Variants in SYN3 observed in about 807,000 individuals in gnomAD.
SYN3 encodes synapsin III.
In SYN3, 35 loss-of-function variants were observed where a neutral mutation model predicts 65.8. That is an observed-to-expected ratio of 0.53 (90% CI 0.41 to 0.70). The LOEUF (loss-of-function observed/expected upper bound fraction) is 0.70, where lower values mean the gene tolerates loss of function less well. Among genes scored for constraint, SYN3 ranks in the 30% least tolerant of loss-of-function variants. The pLI, the probability that SYN3 is intolerant of heterozygous loss-of-function variation, is 0.00. For missense variants in SYN3, 680 were observed against 749.0 expected, an observed-to-expected ratio of 0.91 and a Z score of 1.08; for synonymous variants, 270 against 292.9, an observed-to-expected ratio of 0.92 and a Z score of 0.80.
chr22:32,890,242 C>T (rs2049407244), intron 4 of SYN3, among the ~76,000 whole-genome samples: 1 of 151,676 alleles, frequency 6.6e-6, no homozygotes, highest in Non-Finnish European at 1.5e-5. Context: ...CCTTTCCTGG[C>T]TAATTTGTGT....
At chr22:32,657,157 T>C (rs1290129639) in intron 6 of SYN3, among the ~76,000 whole-genome samples, 1 of 150,420 alleles carries the variant, frequency 6.6e-6, no homozygotes, top group Non-Finnish European at 1.5e-5. Context: ...GGAGTCTTGC[T>C]CTGTCACCCA....
chr22:32,742,911 A>G (rs1016357149), intron 6 of SYN3, among the ~76,000 whole-genome samples: 2 of 152,236 alleles, frequency 1.3e-5, no homozygotes, highest in Admixed American at 1.3e-4. Context: ...AGCCTTTTAT[A>G]AGTATTAGCT....
At chr22:32,710,524 T>A (rs191573386) in intron 6 of SYN3, among the ~76,000 whole-genome samples, 239 of 151,512 alleles carry the variant, frequency 1.6e-3, no homozygotes, top group African/African-American at 4.5e-3. Context: ...TCCCAGCTAC[T>A]TGGGAGGCTG....
At chr22:32,925,866 C>T (rs201995376) in intron 4 of SYN3, among the ~76,000 whole-genome samples, 32 of 132,692 alleles carry the variant, frequency 2.4e-4, no homozygotes, top group South Asian at 4.7e-4. Context: ...GATAGTTGTT[C>T]TTTTTTTTTT....
At chr22:32,709,343 A>C (rs1039306313) in intron 6 of SYN3, among the ~76,000 whole-genome samples, 7 of 152,230 alleles carry the variant, frequency 4.6e-5, no homozygotes, top group African/African-American at 1.7e-4. Context: ...TCCAGCACCA[A>C]ATCCCAATAT....
At chr22:32,886,886 G>T (rs1180481566) in intron 4 of SYN3, among the ~76,000 whole-genome samples, 4 of 152,216 alleles carry the variant, frequency 2.6e-5, no homozygotes, top group African/African-American at 9.6e-5. Flanking sequence ...AAGGCAGCCC[G>T]CAGGACCCTG....
chr22:32,636,401 C>CAAAAA (rs57388108), intron 6 of SYN3, among the ~76,000 whole-genome samples: 3 of 101,618 alleles, frequency 3.0e-5, no homozygotes, highest in Non-Finnish European at 4.5e-5. Flanking sequence ...GACTCCATCT[C>CAAAAA]AAAAAAAAAA....
chr22:33,008,253 T>C (rs1048893236), intron 1 of SYN3, among the ~76,000 whole-genome samples: 2 of 152,216 alleles, frequency 1.3e-5, no homozygotes, highest in African/African-American at 4.8e-5. Flanking sequence ...TTTATTGCAG[T>C]AAAATTTACT....
chr22:32,821,399 C>A (rs1321565530), intron 6 of SYN3, among the ~76,000 whole-genome samples: 1 of 152,210 alleles, frequency 6.6e-6, no homozygotes, highest in East Asian at 1.9e-4. Context: ...GCTAAGGTGT[C>A]ATCAGTGCTG....
chr22:32,883,071 G>C (rs2049186934), intron 4 of SYN3, among the ~76,000 whole-genome samples: 1 of 152,084 alleles, frequency 6.6e-6, no homozygotes, highest in Non-Finnish European at 1.5e-5. Flanking sequence ...TCCAGGGTCT[G>C]GCCAATTGCA....
chr22:32,657,492 C>A (rs377217045), intron 6 of SYN3, among the ~76,000 whole-genome samples: 1 of 152,184 alleles, frequency 6.6e-6, no homozygotes, highest in East Asian at 1.9e-4. Context: ...GAGAGAGACA[C>A]AGAAGTTAGC....
chr22:33,058,132 C>T (rs1293919449), intron 1 of SYN3, among the ~76,000 whole-genome samples, 160 bp downstream of exon 1: 1 of 152,162 alleles, frequency 6.6e-6, no homozygotes, highest in East Asian at 1.9e-4. Flanking sequence ...TCCTTGCCTC[C>T]CTCCCTGCCC....
chr22:32,886,042 T>C (rs2049278223), intron 4 of SYN3, among the ~76,000 whole-genome samples: 1 of 152,184 alleles, frequency 6.6e-6, no homozygotes, highest in Non-Finnish European at 1.5e-5. Flanking sequence ...CAACCAACAG[T>C]AGACAGCACA....
rs763707782 is a variant in SYN3 at position 32,822,922 on chromosome 22, ACAAC to A, written c.711+41989_711+41992del. Among the ~76,000 whole-genome samples the A allele has an allele frequency of 1.5e-3, 33 of 22,092 alleles. No individual in the cohort carries two copies. The East Asian group carries it at 0.016, about 11-fold the overall frequency. The allele number at this position is 22,092 out of a possible 152,430, so 14.5% of individuals were successfully genotyped here. A position where few individuals can be genotyped will look rare whatever the true frequency, so the allele number is the denominator to read the frequency against. On this transcript the variant is annotated intron_variant, in intron 6 of 13. Transcript: ENST00000358763. Reference sequence around the variant, plus strand: ...CAATTTGTTAAAAACAACAACAACAACAACAACAAAAAAAAAACAGAGAGAGAGA... The same window carrying A: ...CAATTTGTTAAAAACAACAACAACAAAACAAAAAAAAAACAGAGAGAGAGA...
intron 6 of SYN3, among the ~76,000 whole-genome samples, chr22:32,739,082 G>A (rs1050892721): frequency 6.6e-6 from 1 of 152,068 alleles, no homozygotes; most frequent in Admixed American, 6.6e-5. Context: ...ATATGGGTTT[G>A]GCTGTGTCCC....
chr22:32,510,053 T>C lies in SYN3; in HGVS notation c.*3639A>G, dbSNP rs2057674693. On this transcript the variant is annotated 3_prime_UTR_variant, in exon 14 of 14. Transcript: ENST00000358763. ...TATCCTTTGGATGCTGAGGTGTGTC[T>C]GAGGCCAAAGGACAGAATATAGGAA... Among the ~76,000 whole-genome samples the C allele has an allele frequency of 6.6e-6, 1 of 152,132 alleles. No individual in the cohort carries two copies. The highest frequency in any genetic ancestry group is 2.4e-5 in the African/African-American group (1 of 41,432).
chr22:32,758,127 C>T (rs1270738065), intron 6 of SYN3, among the ~76,000 whole-genome samples: 2 of 152,126 alleles, frequency 1.3e-5, no homozygotes, highest in Non-Finnish European at 2.9e-5. Flanking sequence ...TTCATATCAG[C>T]ATTTAAATAT....
At chr22:32,532,821 C>T (rs192310620) in intron 10 of SYN3, among the ~76,000 whole-genome samples, 9 of 152,314 alleles carry the variant, frequency 5.9e-5, no homozygotes, top group Admixed American at 2.0e-4. Flanking sequence ...CAGGGCTCTC[C>T]CTCACGTGTC....
intron 6 of SYN3, among the ~76,000 whole-genome samples, chr22:32,661,962 A>G (rs993255257): frequency 4.6e-5 from 7 of 152,206 alleles, no homozygotes; most frequent in African/African-American, 1.7e-4. Flanking sequence ...ATTTTTTTCC[A>G]TGGAATGTGA....
Sources: gnomAD v4.1 joint callset for allele counts (sites outside exome capture counted in the v4.1 genomes callset) on GRCh38, gnomAD v4.1.1 for gene constraint, MANE v1.5 for transcripts, NCBI Gene and HGNC (gene_info 2026-07-23, HGNC 2026-07-21) for gene names.